Variants in MAN1A2 observed in about 807,000 individuals in gnomAD.
MAN1A2 encodes the protein mannosidase alpha class 1A member 2.
MAN1A2 carries 26 observed loss-of-function variants against 75.7 expected under a neutral mutation model. That is an observed-to-expected ratio of 0.34 (90% CI 0.25 to 0.48). The LOEUF is 0.48. Ranked by LOEUF, MAN1A2 falls within the 20% of genes least tolerant of loss-of-function variation. MAN1A2 has a pLI of 0.99. For synonymous variants in MAN1A2, 247 were observed against 264.6 expected, an observed-to-expected ratio of 0.93 and a Z score of 0.65; for missense variants, 562 against 775.5, an observed-to-expected ratio of 0.72 and a Z score of 3.27.
rs144725217 is a variant in MAN1A2 at position 117,460,568 on chromosome 1, A to G, written c.1030A>G (p.Ile344Val). 6.2e-7 allele frequency: 1 copy of G among 1,610,770 alleles called. No homozygotes were observed. ...AEFGTLHMEFIHLSYLTGDLT... is the reference protein window; with the variant it reads ...AEFGTLHMEFVHLSYLTGDLT... ...ATTTGGTACACTACATATGGAGTTC[A>G]TCCACCTCAGCTACTTGACAGGGGA... is the stretch of plus-strand genomic sequence containing the variant. The change falls in exon 7 of 13, where the codon ATC becomes GTC. Residue 344 changes from isoleucine to valine, a missense_variant. Around this residue, in one of 2 missense-constraint regions of MAN1A2, gnomAD observed 434 missense variants for 645.7 expected, o/e 0.67. Transcript: ENST00000356554.
chr1:117,429,442 C>CA (rs1270680343), intron 5 of MAN1A2, among the ~76,000 whole-genome samples: 2 of 118,306 alleles, frequency 1.7e-5, no homozygotes, highest in East Asian at 4.6e-4. Flanking sequence ...GCTGACCCCC[C>CA]CCACCTCCCT....
chr1:117,410,581 C>G (rs1413246667), intron 3 of MAN1A2, among the ~76,000 whole-genome samples: 1 of 148,870 alleles, frequency 6.7e-6, no homozygotes, highest in Non-Finnish European at 1.5e-5. Context: ...TAACATTGTA[C>G]TGGAGATCCT....
rs929418722 is a variant in MAN1A2 at position 117,527,439 on chromosome 1, A to G, written c.*4482A>G. 4 of 151,990 alleles carry G rather than the reference A, an allele frequency of 2.6e-5. No individual in the cohort carries two copies. The highest frequency in any genetic ancestry group is 9.7e-5 in the African/African-American group (4 of 41,422). The allele number at this position is 151,990 out of a possible 1,614,324, so 9.4% of individuals were successfully genotyped here. On this transcript the variant is annotated 3_prime_UTR_variant, in exon 13 of 13. Transcript: ENST00000356554. ...CTGCGTCTTTTCTGTTTTGATTTAC[A>G]TAATTCATTTTTAAATCAAAAAGAT... is the stretch of plus-strand genomic sequence containing the variant.
At chr1:117,500,430 A>C (rs1345416627) in intron 11 of MAN1A2, among the ~76,000 whole-genome samples, 3 of 151,904 alleles carry the variant, frequency 2.0e-5, no homozygotes, top group Non-Finnish European at 2.9e-5. Context: ...AATTCCTTAC[A>C]GAACTGCTAA....
intron 12 of MAN1A2, among the ~76,000 whole-genome samples, chr1:117,506,302 A>T (rs1043594929): frequency 6.6e-6 from 1 of 151,546 alleles, no homozygotes; most frequent in Non-Finnish European, 1.5e-5. Context: ...TTGTCACGGC[A>T]GTGGCAAAGT....
At chr1:117,420,474 C>A in intron 4 of MAN1A2, 95 bp from the exon 5 acceptor site, 1 of 824,156 alleles carries the variant, frequency 1.2e-6, no homozygotes, top group Admixed American at 2.3e-5. Flanking sequence ...ATATTTTCCA[C>A]AGGGTGTTTG....
Position 117,414,838 on chromosome 1 carries a change from G to A in MAN1A2, c.774+7G>A, listed in dbSNP as rs754541826. On this transcript the variant is annotated splice_region_variant and intron_variant, in intron 4 of 12. Coordinates refer to ENST00000356554, the MANE Select transcript of MAN1A2 (RefSeq NM_006699.5). Reference sequence around the variant, plus strand: ...CAACCTTGATTTCAGTGTGGTGAGTGTATGATTGATAACTAATCTCTTAGA... The same window carrying A: ...CAACCTTGATTTCAGTGTGGTGAGTATATGATTGATAACTAATCTCTTAGA... The A allele has an allele frequency of 1.2e-5, 17 of 1,478,102 alleles. No individual in the cohort carries two copies. The highest frequency in any genetic ancestry group is 1.7e-5 in the Admixed American group (1 of 59,586). 91.6% of individuals were successfully genotyped at this position (1,478,102 alleles called of 1,614,324 possible).
At position 117,496,908 on chromosome 1, in the gene MAN1A2, C is replaced by A. The variant is rs1169660670; in HGVS notation, c.1430C>A (p.Ala477Glu). Residue 477 changes from alanine to glutamate, a missense_variant, in exon 10 of 13, where the codon GCA becomes GAA. This residue lies in a region of MAN1A2 where 434 missense variants were observed against 645.7 expected (regional missense o/e 0.67). Transcript: ENST00000356554. The part of the protein sequence containing the change: ...MFALGADGSR[A>E]DKAGHYLELG... The stretch of plus-strand genomic sequence containing the variant: ...GCACTAGGAGCAGATGGTTCCAGAG[C>A]AGATAAAGCTGGTCATTATTTAGAG... The A allele has an allele frequency of 6.2e-7, 1 of 1,612,486 alleles. No homozygotes were observed. The highest frequency in any genetic ancestry group is 1.7e-5 in the Admixed American group (1 of 59,820).
In MAN1A2 at chr1:117,406,142, G is replaced by T. The variant is rs189662068; in HGVS notation, c.655+497G>T. On this transcript the variant is annotated intron_variant, in intron 3 of 12. Transcript: ENST00000356554. ...TTAACAATGTGTTCTGTGAATGGAG[G>T]TTTGGGGAAGAGCTGTGTTCATCTT... Among the ~76,000 whole-genome samples, 441 of 152,244 alleles carry T rather than the reference G, an allele frequency of 2.9e-3. 4 individuals are homozygous for T. Among genetic ancestry groups the T allele is most frequent in the Admixed American group, 6.8e-3 (104 of 15,294 alleles).
chr1:117,475,503 A>G (rs918508150), intron 8 of MAN1A2, among the ~76,000 whole-genome samples: 1 of 151,744 alleles, frequency 6.6e-6, no homozygotes, highest in African/African-American at 2.4e-5. Flanking sequence ...TCCTAATGGT[A>G]TTCCTCCCCT....
chr1:117,422,158 GAATTTTATTATCCTAGAA>G (rs1481466557), intron 5 of MAN1A2, among the ~76,000 whole-genome samples: 1 of 152,018 alleles, frequency 6.6e-6, no homozygotes, highest in Non-Finnish European at 1.5e-5. Context: ...TCAAGATACA[GAATTTTATTATCCTAGAA>G]AATTTCCATT....
At chr1:117,404,701 A>G (rs1647558180) in intron 2 of MAN1A2, among the ~76,000 whole-genome samples, 3 of 152,174 alleles carry the variant, frequency 2.0e-5, no homozygotes, top group Admixed American at 1.3e-4. Flanking sequence ...CACTTTGTTT[A>G]GGGCAGGGGT....
At chr1:117,490,848 A>G (rs550263547) in intron 8 of MAN1A2, among the ~76,000 whole-genome samples, 1 of 152,216 alleles carries the variant, frequency 6.6e-6, no homozygotes, top group South Asian at 2.1e-4. Context: ...GGCATGGGAA[A>G]AGTCTGAATG....
intron 1 of MAN1A2, among the ~76,000 whole-genome samples, chr1:117,390,032 C>T (rs979462679): frequency 5.9e-5 from 9 of 151,880 alleles, no homozygotes; most frequent in African/African-American, 1.9e-4. Context: ...TGTTAGACAC[C>T]CTTTGGTAAT....
chr1:117,422,589 A>G (rs758318550), intron 5 of MAN1A2, among the ~76,000 whole-genome samples: 4 of 151,944 alleles, frequency 2.6e-5, no homozygotes, highest in Non-Finnish European at 5.9e-5. Context: ...TTGTATTGTG[A>G]GTCTCTTTAT....
intron 1 of MAN1A2, among the ~76,000 whole-genome samples, chr1:117,381,766 T>G (rs1178816567): frequency 1.3e-5 from 2 of 151,824 alleles, no homozygotes; most frequent in African/African-American, 2.4e-5. Context: ...GCCACACTGA[T>G]TTCCACAATG....
At chr1:117,467,976 A>G (rs1650032168) in intron 8 of MAN1A2, among the ~76,000 whole-genome samples, 1 of 152,156 alleles carries the variant, frequency 6.6e-6, no homozygotes, top group South Asian at 2.1e-4. Flanking sequence ...TAAGCATGTC[A>G]TGTAAAACAG....
chr1:117,427,824 T>C (rs1051901822), intron 5 of MAN1A2, among the ~76,000 whole-genome samples: 1 of 152,228 alleles, frequency 6.6e-6, no homozygotes, highest in African/African-American at 2.4e-5. Flanking sequence ...AAAATTTCTT[T>C]AAAATTATGT....
intron 1 of MAN1A2, among the ~76,000 whole-genome samples, chr1:117,373,947 G>C (rs913141816): frequency 3.9e-5 from 6 of 152,006 alleles, no homozygotes; most frequent in African/African-American, 1.2e-4. Context: ...AAGTTTATTA[G>C]AGGAGGAAAG....
Sources: gnomAD v4.1 joint callset for allele counts (sites outside exome capture counted in the v4.1 genomes callset) on GRCh38, gnomAD v4.1.1 for gene constraint, gnomAD v4.1.1 regional missense constraint, MANE v1.5 for transcripts, NCBI Gene and HGNC (gene_info 2026-07-23, HGNC 2026-07-21) for gene names.